RUNX2: variants seen among roughly 807,000 people sequenced by gnomAD.
The protein encoded by RUNX2 is RUNX family transcription factor 2.
A neutral mutation model predicts 51.7 loss-of-function variants in RUNX2; 10 were observed. That is an observed-to-expected ratio of 0.19 (90% confidence interval 0.12 to 0.33). RUNX2 has a LOEUF of 0.33. RUNX2 is among the 10% of genes least tolerant of loss of function. RUNX2 has a pLI of 1.00. For synonymous variants in RUNX2, 276 were observed against 273.6 expected, an observed-to-expected ratio of 1.01 and a Z score of -0.09; for missense variants, 562 against 691.3, an observed-to-expected ratio of 0.81 and a Z score of 2.10.
At chr6:45,490,007 A>T (rs1051660310) in intron 5 of RUNX2, among the ~76,000 whole-genome samples, 1 of 152,142 alleles carries the variant, frequency 6.6e-6, no homozygotes, top group African/African-American at 2.4e-5. Context: ...AAGGGAAGAG[A>T]AAGCTAGAAT....
intron 7 of RUNX2, among the ~76,000 whole-genome samples, chr6:45,513,853 G>A (rs1801238307): frequency 6.6e-6 from 1 of 152,190 alleles, no homozygotes. Flanking sequence ...TTAATTAAAG[G>A]TACGGGAAAG....
chr6:45,360,142 T>C (rs954361506), intron 2 of RUNX2, among the ~76,000 whole-genome samples: 2 of 152,240 alleles, frequency 1.3e-5, no homozygotes, highest in African/African-American at 2.4e-5. Flanking sequence ...GCACGGAATC[T>C]GGAGTCAGAC....
intron 2 of RUNX2, among the ~76,000 whole-genome samples, chr6:45,333,237 C>T (rs972505701): frequency 6.6e-6 from 1 of 151,464 alleles, no homozygotes; most frequent in Non-Finnish European, 1.5e-5. Context: ...TGTTACGATT[C>T]AAAAAATAAC....
At chr6:45,517,035 G>A in intron 7 of RUNX2, among the ~76,000 whole-genome samples, 1 of 151,866 alleles carries the variant, frequency 6.6e-6, no homozygotes. Flanking sequence ...ACCACTCTTT[G>A]GCATAATGAA....
chr6:45,474,936 C>T (rs1799912676), intron 5 of RUNX2, among the ~76,000 whole-genome samples: 1 of 151,924 alleles, frequency 6.6e-6, no homozygotes, highest in East Asian at 1.9e-4. Context: ...TGAGTTCTGA[C>T]CCATCTCTGG....
At chr6:45,384,998 C>G (rs1797320764) in intron 2 of RUNX2, among the ~76,000 whole-genome samples, 1 of 152,086 alleles carries the variant, frequency 6.6e-6, no homozygotes, top group Non-Finnish European at 1.5e-5. Context: ...CCACTATGCC[C>G]AGCCTATTTT....
chr6:45,332,360 A>T (rs115695595), intron 2 of RUNX2, among the ~76,000 whole-genome samples: 5,577 of 149,932 alleles, frequency 0.037, 149 homozygotes, highest in Middle Eastern at 0.059. Context: ...ATATATATTT[A>T]AAAAAAAGGA....
intron 5 of RUNX2, among the ~76,000 whole-genome samples, chr6:45,472,404 A>G (rs189570319): frequency 7.2e-4 from 110 of 152,292 alleles, no homozygotes; most frequent in African/African-American, 2.5e-3. Flanking sequence ...CTCCCCCAGA[A>G]AGAACATCCT....
chr6:45,372,823 T>A (rs1164085659), intron 2 of RUNX2, among the ~76,000 whole-genome samples: 1 of 151,954 alleles, frequency 6.6e-6, no homozygotes, highest in Non-Finnish European at 1.5e-5. Context: ...CAAGCTCAGC[T>A]ACATTTTTTT....
At chr6:45,447,285 C>A (rs1012462784) in intron 5 of RUNX2, among the ~76,000 whole-genome samples, 9 of 152,176 alleles carry the variant, frequency 5.9e-5, no homozygotes, top group Admixed American at 2.0e-4. Context: ...TCAACTGTAG[C>A]AATGAGCATT....
At chr6:45,394,544 G>A (rs1012360264) in intron 2 of RUNX2, among the ~76,000 whole-genome samples, 1 of 152,144 alleles carries the variant, frequency 6.6e-6, no homozygotes, top group Admixed American at 6.5e-5. Flanking sequence ...TGGTGGTAAA[G>A]CACAGGAGCA....
Position 45,550,570 on chromosome 6 carries a change from A to G in RUNX2, c.*3265A>G, listed in dbSNP as rs931557583. 10 of 152,636 alleles carry G rather than the reference A, an allele frequency of 6.6e-5. No homozygotes were observed. The highest frequency in any genetic ancestry group is 1.5e-4 in the Non-Finnish European group (10 of 68,044). 9.5% of individuals were successfully genotyped at this position (152,636 alleles called of 1,614,324 possible). The stretch of plus-strand genomic sequence containing the variant: ...ATTTGAAAGAACAATAATAAAAGAC[A>G]CTTCTTCCAAACCTTGAATTTGTTG... On this transcript the variant is annotated 3_prime_UTR_variant, in exon 9 of 9. Transcript: ENST00000647337.
At chr6:45,329,250 T>C (rs114414163) in intron 2 of RUNX2, among the ~76,000 whole-genome samples, 2,659 of 152,074 alleles carry the variant, frequency 0.017, 50 homozygotes, top group South Asian at 0.085. Context: ...CTACCATGTA[T>C]AACACAGAAA....
intron 7 of RUNX2, among the ~76,000 whole-genome samples, chr6:45,533,888 CTTTTTTTTTTT>C (rs553154980): frequency 9.2e-6 from 1 of 108,110 alleles, no homozygotes; most frequent in African/African-American, 3.7e-5. Flanking sequence ...CCTGTTGAGA[CTTTTTTTTTTT>C]TTTTTTTTTT....
intron 6 of RUNX2, among the ~76,000 whole-genome samples, chr6:45,496,891 A>T (rs2150410615): frequency 6.6e-6 from 1 of 151,014 alleles, no homozygotes; most frequent in East Asian, 1.9e-4. Context: ...AAGGATTCTG[A>T]ATACTCTCTT....
At chr6:45,526,418 C>A (rs1288575081) in intron 7 of RUNX2, among the ~76,000 whole-genome samples, 1 of 152,020 alleles carries the variant, frequency 6.6e-6, no homozygotes, top group Non-Finnish European at 1.5e-5. Context: ...GAAATGAGAA[C>A]CTTATAAGCT....
chr6:45,528,339 G>A (rs1025387145), intron 7 of RUNX2, among the ~76,000 whole-genome samples: 2 of 152,126 alleles, frequency 1.3e-5, no homozygotes, highest in Middle Eastern at 3.2e-3. Context: ...ATGCACTTTA[G>A]GTCAGGCGCG....
At chr6:45,488,722 C>A (rs1286143562) in intron 5 of RUNX2, among the ~76,000 whole-genome samples, 3 of 152,102 alleles carry the variant, frequency 2.0e-5, no homozygotes, top group Non-Finnish European at 2.9e-5. Context: ...GGGAGAAGTT[C>A]AGCTAGAGAA....
At position 45,543,383 on chromosome 6, in the gene RUNX2, G is replaced by T. The variant is rs1003531247; in HGVS notation, c.1022-1834G>T. 2.0e-5 allele frequency among the ~76,000 whole-genome samples: 3 copies of T among 152,178 alleles called. No homozygotes were observed. The South Asian group carries it at 6.2e-4, about 32-fold the overall frequency. ...GAGATAACATGGATAACAGCAAAAAGAATGGACTTGTGCAAGTTGTTCCTT... is the reference window on the plus strand; with the variant it reads ...GAGATAACATGGATAACAGCAAAAATAATGGACTTGTGCAAGTTGTTCCTT... On this transcript the variant is annotated intron_variant, in intron 7 of 8. Coordinates refer to ENST00000647337, the MANE Select transcript of RUNX2 (RefSeq NM_001024630.4).
Sources: allele counts gnomAD v4.1 joint callset (sites outside exome capture counted in the v4.1 genomes callset), GRCh38; gene constraint gnomAD v4.1.1; transcripts MANE v1.5; gene names NCBI Gene and HGNC (gene_info 2026-07-23, HGNC 2026-07-21).